The following IL13RA1 variants were observed in gnomAD, a reference collection of about 807,000 sequenced individuals.
IL13RA1 encodes interleukin 13 receptor subunit alpha 1.
IL13RA1 carries 14 observed loss-of-function variants against 33.8 expected under a neutral mutation model. The ratio of observed to expected loss-of-function variants is 0.41; its 90% confidence interval spans 0.27 to 0.65. IL13RA1 has a LOEUF of 0.65. Ranked by LOEUF, IL13RA1 falls within the 30% of genes least tolerant of loss-of-function variation. IL13RA1 has a pLI of 0.28. For synonymous variants in IL13RA1, 116 were observed against 115.7 expected, an observed-to-expected ratio of 1.00 and a Z score of -0.02; for missense variants, 313 against 327.0, an observed-to-expected ratio of 0.96 and a Z score of 0.33.
downstream of IL13RA1, among the ~76,000 whole-genome samples, chrX:118,798,520 C>T (rs931026595): frequency 1.1e-4 from 12 of 111,602 alleles, no homozygotes; most frequent in African/African-American, 3.9e-4. Context: ...AGACAGCCCT[C>T]TTTAGAGTTT....
chrX:118,729,744 CTGT>C (rs1230221270), intron 1 of IL13RA1, among the ~76,000 whole-genome samples: 5 of 112,174 alleles, frequency 4.5e-5, no homozygotes, highest in Non-Finnish European at 9.4e-5. Context: ...CTTGTAGGTG[CTGT>C]TATTAGTCCC....
chrX:118,800,830 A>G, the IL13RA1 span, among the ~76,000 whole-genome samples: 217 of 111,669 alleles, frequency 1.9e-3, no homozygotes, highest in Middle Eastern at 4.6e-3. Context: ...TTTATCATGC[A>G]GGCTGGAGTG....
chrX:118,746,839 T>C, intron 2 of IL13RA1, 115 bp from the exon 3 acceptor site: 2 of 527,273 alleles, frequency 3.8e-6, no homozygotes, highest in Non-Finnish European at 6.4e-6. Context: ...ATCACTGATC[T>C]ATACCATTTG....
chrX:118,749,701 C>T lies in IL13RA1; in HGVS notation c.411C>T (p.His137=). The T allele has an allele frequency of 8.4e-7, 1 of 1,193,554 alleles. No individual in the cohort carries two copies. Among genetic ancestry groups the T allele is most frequent in the South Asian group, 1.8e-5 (1 of 56,538 alleles). ...SAVTELQCIW[H]NLSYMKCSWL... ...TGACTGAGCTTCAATGCATTTGGCA[C>T]AACCTGAGCTACATGAAGTGTTCTT... Residue 137 remains histidine (H), a synonymous_variant, in exon 4 of 11, where the codon CAC becomes CAT. Coordinates refer to ENST00000371666, the MANE Select transcript of IL13RA1 (RefSeq NM_001560.3).
At chrX:118,736,006 C>A (rs1448188108) in intron 1 of IL13RA1, among the ~76,000 whole-genome samples, 1 of 111,373 alleles carries the variant, frequency 9.0e-6, no homozygotes, top group African/African-American at 3.3e-5. Flanking sequence ...TTTTATTGCC[C>A]TAATTTCAAG....
At chrX:118,739,306 A>C (rs1043145082) in intron 1 of IL13RA1, among the ~76,000 whole-genome samples, 2 of 111,806 alleles carry the variant, frequency 1.8e-5, no homozygotes, top group Non-Finnish European at 3.8e-5. Context: ...ACTGTTAGAG[A>C]AACCTCAACT....
At chrX:118,761,401 TG>T in intron 6 of IL13RA1, 112 bp downstream of exon 6, 1 of 394,244 alleles carries the variant, frequency 2.5e-6, no homozygotes, top group Non-Finnish European at 4.3e-6. Flanking sequence ...ATGATGATGA[TG>T]GTAATGAAAC....
At chrX:118,758,293 C>T in intron 5 of IL13RA1, 51 bp downstream of exon 5, 1 of 514,384 alleles carries the variant, frequency 1.9e-6, no homozygotes, top group Admixed American at 3.1e-5. Context: ...TGTGTTATAT[C>T]TTTTGCACAA....
At chrX:118,741,195 T>C (rs2017340795) in intron 2 of IL13RA1, 39 bp downstream of exon 2, 1 of 919,304 alleles carries the variant, frequency 1.1e-6, no homozygotes, top group Non-Finnish European at 1.6e-6. Flanking sequence ...TGAGGTAAAG[T>C]GAACACTATG....
intron 8 of IL13RA1, among the ~76,000 whole-genome samples, chrX:118,767,439 G>T (rs1335679187): frequency 9.0e-6 from 1 of 111,205 alleles, no homozygotes; most frequent in Non-Finnish European, 1.9e-5. Context: ...TACCCAAGAG[G>T]CAGAGATGGG....
chrX:118,766,579 T>C lies in IL13RA1; in HGVS notation c.876+2T>C. 1 of 1,018,196 alleles carries C rather than the reference T, an allele frequency of 9.8e-7. No individual in the cohort carries two copies. The highest frequency in any genetic ancestry group is 1.4e-6 in the Non-Finnish European group (1 of 720,576). The allele number at this position is 1,018,196 out of a possible 1,213,427, so 83.9% of individuals were successfully genotyped here. On this transcript the variant is annotated splice_donor_variant, in intron 7 of 10. Transcript: ENST00000371666. LOFTEE classifies it high-confidence loss of function. ...CCAGAATTTGAGAGAAATGTGGAGGTCAGTAAATTCAACATTAGCTATTTG... is the reference window on the plus strand; with the variant it reads ...CCAGAATTTGAGAGAAATGTGGAGGCCAGTAAATTCAACATTAGCTATTTG...
intron 10 of IL13RA1, among the ~76,000 whole-genome samples, chrX:118,778,423 C>T (rs919683309): frequency 9.9e-5 from 11 of 111,161 alleles, no homozygotes; most frequent in African/African-American, 3.6e-4. Context: ...AATTGTATGC[C>T]GTATCTGGAG....
chrX:118,785,017 G>T (rs1399533135), intron 10 of IL13RA1, among the ~76,000 whole-genome samples: 1 of 110,479 alleles, frequency 9.1e-6, no homozygotes, highest in African/African-American at 3.3e-5. Context: ...TGTAATTTTA[G>T]ATCTTTTTTT....
At chrX:118,745,484 C>T (rs2017393864) in intron 2 of IL13RA1, among the ~76,000 whole-genome samples, 1 of 111,680 alleles carries the variant, frequency 9.0e-6, no homozygotes, top group African/African-American at 3.3e-5. Context: ...GACCTAAGAG[C>T]TATTCTGGTT....
intron 5 of IL13RA1, among the ~76,000 whole-genome samples, chrX:118,758,548 C>T (rs2017558695): frequency 9.0e-6 from 1 of 111,655 alleles, no homozygotes; most frequent in Admixed American, 9.5e-5. Context: ...TTCTGGTATT[C>T]TGTTGCTTAT....
intron 10 of IL13RA1, among the ~76,000 whole-genome samples, chrX:118,787,370 G>A (rs1161564776): frequency 9.0e-6 from 1 of 111,114 alleles, no homozygotes; most frequent in Non-Finnish European, 1.9e-5. Flanking sequence ...GTGGGTCACA[G>A]AGATCACATG....
intron 5 of IL13RA1, among the ~76,000 whole-genome samples, chrX:118,760,862 C>T (rs2017582958): frequency 8.9e-6 from 1 of 112,014 alleles, no homozygotes; most frequent in African/African-American, 3.2e-5. Context: ...ATAACCTATG[C>T]ATATTTTCTC....
At chrX:118,795,876 CAG>C (rs1256552350), downstream of IL13RA1, among the ~76,000 whole-genome samples, 1 of 112,617 alleles carries the variant, frequency 8.9e-6, no homozygotes, top group African/African-American at 3.2e-5. Flanking sequence ...ACATTTATTT[CAG>C]AGACTCTGTT....
At chrX:118,800,879 C>G in the IL13RA1 span, among the ~76,000 whole-genome samples, 1 of 111,917 alleles carries the variant, frequency 8.9e-6, no homozygotes, top group Non-Finnish European at 1.9e-5. Flanking sequence ...CTCCACCTCC[C>G]AGGTTCAAGC....
Sources: allele counts gnomAD v4.1 joint callset (sites outside exome capture counted in the v4.1 genomes callset), GRCh38; gene constraint gnomAD v4.1.1; transcripts MANE v1.5; gene names NCBI Gene and HGNC (gene_info 2026-07-23, HGNC 2026-07-21).